The following ROBO2 variants were observed in gnomAD, a reference collection of about 807,000 sequenced individuals.
The protein encoded by ROBO2 is roundabout guidance receptor 2.
In ROBO2, 53 loss-of-function variants were observed where a neutral mutation model predicts 160.8. The observed-to-expected ratio is 0.33, with a 90% CI of 0.26 to 0.41. The LOEUF is 0.41. ROBO2 is among the 10% of genes least tolerant of loss of function. The probability of loss-of-function intolerance (pLI) is 1.00; values close to 1 mark genes in which losing one functional copy is unlikely to be tolerated. For synonymous variants in ROBO2, 664 were observed against 611.7 expected, an observed-to-expected ratio of 1.09 and a Z score of -1.26; for missense variants, 1,577 against 1,722.4, an observed-to-expected ratio of 0.92 and a Z score of 1.49.
intron 2 of ROBO2, among the ~76,000 whole-genome samples, chr3:77,112,264 GC>G (rs1372337057): frequency 6.7e-6 from 1 of 150,296 alleles, no homozygotes; most frequent in Non-Finnish European, 1.5e-5. Context: ...GGACGCAGGG[GC>G]CGGAGTCTCG....
intron 2 of ROBO2, among the ~76,000 whole-genome samples, chr3:77,447,878 G>T (rs2080717871): frequency 1.3e-5 from 2 of 152,158 alleles, no homozygotes; most frequent in South Asian, 4.1e-4. Context: ...GTGAAAAGTG[G>T]TGCAATATTG....
At chr3:76,204,964 A>C (rs949648874) in intron 2 of ROBO2, among the ~76,000 whole-genome samples, 3 of 152,178 alleles carry the variant, frequency 2.0e-5, no homozygotes, top group African/African-American at 7.2e-5. Context: ...GTCAGTGAAT[A>C]TTTGCAAAGT....
chr3:76,674,036 C>A (rs893792195), intron 2 of ROBO2, among the ~76,000 whole-genome samples: 1 of 152,012 alleles, frequency 6.6e-6, no homozygotes, highest in East Asian at 1.9e-4. Context: ...CCCCTCTGAA[C>A]GTGGCTTTGA....
At chr3:77,596,777 T>C in intron 19 of ROBO2, 27 bp downstream of exon 20, 1 of 1,603,270 alleles carries the variant, frequency 6.2e-7, no homozygotes, top group Non-Finnish European at 8.5e-7. Context: ...AAAATAGTGT[T>C]ATTTGAGTTC....
In ROBO2 at chr3:76,130,344, C is replaced by T. The variant is rs1258681195; in HGVS notation, c.109+192742C>T. Among the ~76,000 whole-genome samples, 16 of 151,804 alleles carry T rather than the reference C, an allele frequency of 1.1e-4. 1 individual carries two copies. The highest frequency in any genetic ancestry group is 7.2e-4 in the Admixed American group (11 of 15,226). On this transcript the variant is annotated intron_variant, in intron 2 of 26. Transcript: ENST00000487694. The stretch of plus-strand genomic sequence containing the variant: ...AACAATACAATGCTTTTGTTTATGC[C>T]GCTATAATTTCATATGATGGCATAG...
intron 2 of ROBO2, among the ~76,000 whole-genome samples, chr3:76,901,253 T>A (rs1349165271): frequency 6.6e-6 from 1 of 152,126 alleles, no homozygotes; most frequent in Non-Finnish European, 1.5e-5. Flanking sequence ...ATTACATATT[T>A]AACTTTTAAT....
intron 2 of ROBO2, among the ~76,000 whole-genome samples, chr3:76,022,014 G>A (rs942428587): frequency 6.6e-6 from 1 of 151,328 alleles, no homozygotes; most frequent in African/African-American, 2.4e-5. Flanking sequence ...TATCAACTAA[G>A]TTTCTGTAAT....
intron 6 of ROBO2, among the ~76,000 whole-genome samples, chr3:77,528,031 G>A (rs2091331600): frequency 6.6e-6 from 1 of 151,440 alleles, no homozygotes; most frequent in Non-Finnish European, 1.5e-5. Context: ...TTTTTCATTT[G>A]GCTTTGTGAA....
At chr3:76,230,196 A>T (rs1473950429) in intron 2 of ROBO2, among the ~76,000 whole-genome samples, 1 of 152,126 alleles carries the variant, frequency 6.6e-6, no homozygotes, top group African/African-American at 2.4e-5. Flanking sequence ...ACTGAAAATA[A>T]GGACCTTTTT....
At chr3:76,465,678 T>G (rs1312922319) in intron 2 of ROBO2, among the ~76,000 whole-genome samples, 1 of 152,008 alleles carries the variant, frequency 6.6e-6, no homozygotes, top group Non-Finnish European at 1.5e-5. Context: ...ATTCGTCAGG[T>G]TGAAGAACCA....
At chr3:76,944,298 A>G (rs976804052) in intron 2 of ROBO2, among the ~76,000 whole-genome samples, 1 of 152,208 alleles carries the variant, frequency 6.6e-6, no homozygotes, top group African/African-American at 2.4e-5. Flanking sequence ...TCAAAACAAA[A>G]TTAAATAACA....
At chr3:77,389,961 T>C (rs1215839377) in intron 2 of ROBO2, among the ~76,000 whole-genome samples, 1 of 152,164 alleles carries the variant, frequency 6.6e-6, no homozygotes, top group Non-Finnish European at 1.5e-5. Context: ...ACGCATTCAC[T>C]AGAAAGGGAT....
At chr3:76,323,829 T>C (rs1046136860) in intron 2 of ROBO2, among the ~76,000 whole-genome samples, 1 of 152,216 alleles carries the variant, frequency 6.6e-6, no homozygotes, top group African/African-American at 2.4e-5. Flanking sequence ...GTCTGTCTTG[T>C]TGCCAGTCAA....
intron 2 of ROBO2, among the ~76,000 whole-genome samples, chr3:76,569,404 T>C (rs764415232): frequency 1.3e-5 from 2 of 152,156 alleles, no homozygotes; most frequent in Non-Finnish European, 2.9e-5. Context: ...TTCATATCAA[T>C]TGAGATCAAG....
At chr3:76,324,389 T>C (rs1006984171) in intron 2 of ROBO2, among the ~76,000 whole-genome samples, 1 of 152,204 alleles carries the variant, frequency 6.6e-6, no homozygotes, top group African/African-American at 2.4e-5. Flanking sequence ...ATAAAATTCA[T>C]TGTTAAAAAA....
At chr3:76,918,482 A>G (rs2076464521) in intron 2 of ROBO2, among the ~76,000 whole-genome samples, 2 of 152,174 alleles carry the variant, frequency 1.3e-5, no homozygotes. Flanking sequence ...GACTAATACA[A>G]TATTTTATTA....
intron 2 of ROBO2, among the ~76,000 whole-genome samples, chr3:76,982,533 C>T (rs967741509): frequency 6.6e-5 from 10 of 152,120 alleles, no homozygotes; most frequent in Non-Finnish European, 1.3e-4. Flanking sequence ...TCTTGTTTTT[C>T]AAGATTGTTT....
chr3:77,478,018 G>A (rs1464596037), intron 3 of ROBO2, among the ~76,000 whole-genome samples: 2 of 151,476 alleles, frequency 1.3e-5, no homozygotes, highest in African/African-American at 2.4e-5. Flanking sequence ...GTAGAGATGG[G>A]GTTTCACCAT....
intron 2 of ROBO2, among the ~76,000 whole-genome samples, chr3:76,278,613 T>A (rs1708065525): frequency 6.6e-6 from 1 of 151,940 alleles, no homozygotes; most frequent in South Asian, 2.1e-4. Context: ...GCATTTATTT[T>A]TAAAAGATAT....
Sources: allele counts gnomAD v4.1 joint callset (sites outside exome capture counted in the v4.1 genomes callset), GRCh38; gene constraint gnomAD v4.1.1; transcripts MANE v1.5; gene names NCBI Gene and HGNC (gene_info 2026-07-23, HGNC 2026-07-21).